Variants in CHRND observed in about 807,000 individuals in gnomAD.
CHRND encodes the protein acetylcholine receptor subunit delta.
A neutral mutation model predicts 57.8 loss-of-function variants in CHRND; 40 were observed. That is an observed-to-expected ratio of 0.69 (90% confidence interval 0.54 to 0.90). CHRND has a LOEUF of 0.90. Among genes scored for constraint, CHRND ranks in the 40% least tolerant of loss-of-function variants. The probability of loss-of-function intolerance (pLI) is 0.00; values close to 1 mark genes in which losing one functional copy is unlikely to be tolerated. For missense variants in CHRND, 634 were observed against 673.9 expected (o/e 0.94, Z 0.66); for synonymous variants, 237 against 270.6 (o/e 0.88, Z 1.22).
chr2:232,531,970 A>AAAAAAAAAAAAAAAAAAAAAAAG (rs1391577789), intron 9 of CHRND, among the ~76,000 whole-genome samples: 1 of 135,220 alleles, frequency 7.4e-6, no homozygotes, highest in African/African-American at 2.6e-5. Flanking sequence ...AAAAAAAAAA[A>AAAAAAAAAAAAAAAAAAAAAAAG]AAAAGAAATG....
intron 6 of CHRND, among the ~76,000 whole-genome samples, chr2:232,529,407 A>C (rs1333259727): frequency 2.0e-5 from 3 of 151,882 alleles, no homozygotes. Context: ...CCAGGCTCGG[A>C]TCCTCCATGG....
chr2:232,526,242 G>T lies in CHRND; in HGVS notation c.27G>T (p.Gly9=), dbSNP rs554645326. The T allele has an allele frequency of 7.8e-5, 126 of 1,613,386 alleles. 1 individual carries two copies. The South Asian group carries it at 1.3e-3, about 17-fold the overall frequency. The change falls in exon 1 of 12, where the codon GGG becomes GGT. Residue 9 remains glycine, a synonymous_variant. Transcript: ENST00000258385. Reference sequence around the variant, plus strand: ...TGGAGGGGCCAGTGCTGACACTGGGGCTGCTGGCTGCCCTGGCGGTGTGTG... The same window carrying T: ...TGGAGGGGCCAGTGCTGACACTGGGTCTGCTGGCTGCCCTGGCGGTGTGTG... MEGPVLTL[G]LLAALAVCGS... is the part of the protein sequence containing the mutation.
In CHRND at chr2:232,529,974, A is replaced by G; in HGVS notation, c.655A>G (p.Arg219Gly). Residue 219 changes from arginine (R) to glycine (G), a missense_variant, in exon 7 of 12, where the codon AGG (arginine) becomes GGG (glycine). Arg to Gly is a moderately radical substitution (Grantham distance 125). Transcript: ENST00000258385. ...GEWEIVHRPA[R>G]VNVDPRAPLD... The stretch of plus-strand genomic sequence containing the variant: ...GTGGGAGATAGTCCACCGGCCGGCC[A>G]GGGTCAACGTGGACCCCAGAGCCCC... 1.2e-6 allele frequency: 2 copies of G among 1,614,030 alleles called. No homozygotes were observed. The highest frequency in any genetic ancestry group is 1.7e-6 in the Non-Finnish European group (2 of 1,179,984).
chr2:232,526,442 T>A, intron 1 of CHRND, 87 bp from the exon 2 acceptor site: 1 of 1,599,296 alleles, frequency 6.3e-7, no homozygotes, highest in Non-Finnish European at 8.5e-7. Context: ...CATCCCAACC[T>A]CATGGTCCAG....
intron 9 of CHRND, 83 bp from the exon 10 acceptor site, chr2:232,533,848 G>C: frequency 7.0e-7 from 1 of 1,437,184 alleles, no homozygotes; most frequent in Non-Finnish European, 9.7e-7. Context: ...CTGCACTCCA[G>C]CCTGGTGACA....
In CHRND at chr2:232,535,503, T is replaced by G. The variant is rs973512404; in HGVS notation, c.*191T>G. On this transcript the variant is annotated 3_prime_UTR_variant, in exon 12 of 12. Coordinates refer to ENST00000258385, the MANE Select transcript of CHRND (RefSeq NM_000751.3). ...AAGACAGGGGCCACCCGAGATGGTC[T>G]GAGGGTGGACATCGGCTACAGTGGG... The G allele has an allele frequency of 3.9e-6, 3 of 775,972 alleles. No homozygotes were observed. The African/African-American group carries it at 5.1e-5, about 13-fold the overall frequency. The allele number at this position is 775,972 out of a possible 1,614,324, so 48.1% of individuals were successfully genotyped here. A position where few individuals can be genotyped will look rare whatever the true frequency, so the allele number is the denominator to read the frequency against.
chr2:232,529,419 GC>G (rs74536598), intron 6 of CHRND, among the ~76,000 whole-genome samples: 3,162 of 152,276 alleles, frequency 0.021, 60 homozygotes, highest in Middle Eastern at 0.061. Flanking sequence ...CCTCCATGGG[GC>G]CTACCACTTG....
intron 9 of CHRND, among the ~76,000 whole-genome samples, chr2:232,532,052 G>A (rs1000680070): frequency 2.6e-5 from 4 of 151,362 alleles, no homozygotes; most frequent in East Asian, 1.9e-4. Context: ...TCAGCTACTC[G>A]GGAGGCTGAG....
At chr2:232,526,881 C>T (rs1196987757) in intron 2 of CHRND, among the ~76,000 whole-genome samples, 1 of 152,224 alleles carries the variant, frequency 6.6e-6, no homozygotes, top group East Asian at 1.9e-4. Context: ...ACACCCATAG[C>T]ATGCCCCATC....
In CHRND at chr2:232,535,757, G is replaced by C. The variant is rs1249606704; in HGVS notation, c.*445G>C. 1 of 456,122 alleles carries C rather than the reference G, an allele frequency of 2.2e-6. No homozygotes were observed. The highest frequency in any genetic ancestry group is 4.4e-6 in the Non-Finnish European group (1 of 228,228). 28.3% of individuals were successfully genotyped at this position (456,122 alleles called of 1,614,324 possible). A position where few individuals can be genotyped will look rare whatever the true frequency, so the allele number is the denominator to read the frequency against. On this transcript the variant is annotated 3_prime_UTR_variant, in exon 12 of 12. Coordinates refer to ENST00000258385, the MANE Select transcript of CHRND (RefSeq NM_000751.3). ...TACCCTTCAACCTCAGGCTTCTGAG[G>C]CCTCACCTGGGACTGAGGTTGAGGA...
chr2:232,528,257 T>G lies in CHRND; in HGVS notation c.244-5T>G, dbSNP rs1188071006. On this transcript the variant is annotated splice_region_variant and splice_polypyrimidine_tract_variant and intron_variant, in intron 3 of 11. Transcript: ENST00000258385. ...TGCACTGGTGACATGCCTTTGGGAT[T>G]CCAGGGCTGGACAGACAACCGGCTG... The G allele has an allele frequency of 1.2e-6, 2 of 1,614,042 alleles. No homozygotes were observed. The highest frequency in any genetic ancestry group is 2.2e-5 in the South Asian group (2 of 91,058).
rs1452561983 is a variant in CHRND, at chr2:232,535,260, C to CT, written c.1506dup (p.Pro503SerfsTer70). ...GTTTACAACCAGCCACCACCCCAGCCTTTTCCTGGGGACCCCTACTCCTAC... is the reference window on the plus strand; with the variant it reads ...GTTTACAACCAGCCACCACCCCAGCCTTTTTCCTGGGGACCCCTACTCCTAC... On this transcript the variant is annotated frameshift_variant, in exon 12 of 12. Coordinates refer to ENST00000258385, the MANE Select transcript of CHRND (RefSeq NM_000751.3). LOFTEE classifies it high-confidence loss of function. 1.2e-6 allele frequency: 2 copies of CT among 1,614,076 alleles called. No individual in the cohort carries two copies. The highest frequency in any genetic ancestry group is 1.7e-6 in the Non-Finnish European group (2 of 1,180,050).
intron 5 of CHRND, 69 bp from the exon 6 acceptor site, chr2:232,528,793 C>T (rs745855500): frequency 3.9e-5 from 61 of 1,570,170 alleles, no homozygotes; most frequent in Non-Finnish European, 5.1e-5. Context: ...TCCTCCCTTA[C>T]CAGCCCTTCC....
intron 9 of CHRND, 152 bp from the exon 10 acceptor site, chr2:232,533,779 G>A: frequency 1.3e-6 from 1 of 795,944 alleles, no homozygotes; most frequent in Admixed American, 2.0e-5. Flanking sequence ...TTGGGAGACT[G>A]AGGCAAGAAA....
At chr2:232,532,677 C>T (rs1459985568) in intron 9 of CHRND, among the ~76,000 whole-genome samples, 1 of 152,114 alleles carries the variant, frequency 6.6e-6, no homozygotes, top group Admixed American at 6.5e-5. Flanking sequence ...TGCTGCAGGC[C>T]TCACTTTGTA....
chr2:232,527,782 G>A (rs762260916), intron 3 of CHRND, among the ~76,000 whole-genome samples: 3 of 152,132 alleles, frequency 2.0e-5, no homozygotes, highest in Admixed American at 6.5e-5. Flanking sequence ...CGGTGGGGTC[G>A]GGGAGGGAAT....
Position 232,531,468 on chromosome 2 carries a change from G to A in CHRND, c.932+5G>A, listed in dbSNP as rs797045474. ...GGCCATCCCCCTTATCGGCAAGTGA[G>A]TGACGCTCAAGCCCGGCCTCACCCT... On this transcript the variant is annotated splice_donor_5th_base_variant and intron_variant, in intron 8 of 11. Transcript: ENST00000258385. 1.9e-6 allele frequency: 3 copies of A among 1,613,934 alleles called. No individual in the cohort carries two copies. In the South Asian group the frequency reaches 3.3e-5, roughly 18 times the overall value.
intron 9 of CHRND, among the ~76,000 whole-genome samples, chr2:232,533,111 C>T (rs1691766612): frequency 1.3e-5 from 2 of 152,166 alleles, no homozygotes; most frequent in Non-Finnish European, 2.9e-5. Context: ...ACCTCTGCCT[C>T]CCAGGTTCAA....
Position 232,534,092 on chromosome 2 carries a change from G to T in CHRND, c.1209G>T (p.Lys403Asn), listed in dbSNP as rs1195635400. Residue 403 changes from lysine (K) to asparagine (N), a missense_variant, in exon 10 of 12, where the codon AAG becomes AAT. Transcript: ENST00000258385. ...LKSRSDLMFE[K>N]QSERHGLARR... The stretch of plus-strand genomic sequence containing the variant: ...CCCGCAGTGACCTCATGTTCGAGAA[G>T]CAGTCAGAGCGGCATGGGCTGGCCA... 6.2e-7 allele frequency: 1 copy of T among 1,614,142 alleles called. No homozygotes were observed. The highest frequency in any genetic ancestry group is 8.5e-7 in the Non-Finnish European group (1 of 1,180,046).
Sources: gnomAD v4.1 joint callset for allele counts (sites outside exome capture counted in the v4.1 genomes callset) on GRCh38, gnomAD v4.1.1 for gene constraint, MANE v1.5 for transcripts, NCBI Gene and HGNC (gene_info 2026-07-23, HGNC 2026-07-21) for gene names.